NFX1: variants seen among roughly 807,000 people sequenced by gnomAD.
NFX1 encodes the protein nuclear transcription factor, X-box binding 1.
In NFX1, 69 loss-of-function variants were observed where a neutral mutation model predicts 137.2. The ratio of observed to expected loss-of-function variants is 0.50; its 90% confidence interval spans 0.41 to 0.61. The LOEUF (loss-of-function observed/expected upper bound fraction) is 0.61, where lower values mean the gene tolerates loss of function less well. NFX1 is among the 20% of genes least tolerant of loss of function. The pLI is 0.00. For synonymous variants in NFX1, 495 were observed against 474.1 expected (o/e 1.04, Z -0.57); for missense variants, 1,167 against 1,391.0 (o/e 0.84, Z 2.56).
chr9:33,332,389 C>G, intron 10 of NFX1, 83 bp from the exon 11 acceptor site: 1 of 1,321,222 alleles, frequency 7.6e-7, no homozygotes. Context: ...TTGGGATATT[C>G]TTGTTACCTA....
At chr9:33,314,926 G>A (rs1822100105) in intron 7 of NFX1, among the ~76,000 whole-genome samples, 1 of 152,228 alleles carries the variant, frequency 6.6e-6, no homozygotes, top group South Asian at 2.1e-4. Flanking sequence ...TATGCTAGCT[G>A]TACATCAATG....
chr9:33,346,139 G>A (rs662906), intron 14 of NFX1, among the ~76,000 whole-genome samples: 3,850 of 152,224 alleles, frequency 0.025, 169 homozygotes, highest in African/African-American at 0.087. Flanking sequence ...CCCTCCCAGC[G>A]TAGTTTGCAA....
chr9:33,298,284 G>A (rs1369495212), intron 2 of NFX1, among the ~76,000 whole-genome samples: 1 of 152,236 alleles, frequency 6.6e-6, no homozygotes. Context: ...GCTAGCTTGA[G>A]AAAGAGCATT....
chr9:33,364,010 G>A lies in NFX1; in HGVS notation c.2874G>A (p.Lys958=). Residue 958 remains lysine, a splice_region_variant and synonymous_variant, in exon 20 of 24, where the codon AAG becomes AAA. Transcript: ENST00000379540. The stretch of plus-strand genomic sequence containing the variant: ...TTGCATACCTCTCTCTCTCTTTCAG[G>A]AGATTAGCAGAGGCATTTCATATCA... ...DEECSALERK[K]RLAEAFHISE... 1 of 1,569,042 alleles carries A rather than the reference G, an allele frequency of 6.4e-7. No individual in the cohort carries two copies. Among genetic ancestry groups the A allele is most frequent in the Non-Finnish European group, 8.6e-7 (1 of 1,158,302 alleles).
intron 10 of NFX1, 33 bp downstream of exon 10, chr9:33,328,711 T>A: frequency 6.6e-7 from 1 of 1,516,506 alleles, no homozygotes; most frequent in Non-Finnish European, 9.1e-7. Context: ...GTTGTTGCCA[T>A]CAATGTTTTC....
chr9:33,350,328 A>G (rs1823592006), intron 15 of NFX1, among the ~76,000 whole-genome samples: 1 of 151,666 alleles, frequency 6.6e-6, no homozygotes, highest in Admixed American at 6.6e-5. Flanking sequence ...AAAAGGCAAA[A>G]TAAAACGAAA....
chr9:33,290,679 A>C, intron 1 of NFX1, 82 bp downstream of exon 1: 2 of 1,405,646 alleles, frequency 1.4e-6, no homozygotes, highest in Non-Finnish European at 2.0e-6. Context: ...GGCCTCAGCC[A>C]CTCATATCGC....
In NFX1 at chr9:33,294,939, C is replaced by G; in HGVS notation, c.545C>G (p.Pro182Arg). 1 of 1,614,014 alleles carries G rather than the reference C, an allele frequency of 6.2e-7. No homozygotes were observed. The highest frequency in any genetic ancestry group is 8.5e-7 in the Non-Finnish European group (1 of 1,180,010). The change falls in exon 2 of 24, where the codon CCA (proline) becomes CGA (arginine). Residue 182 changes from proline to arginine, a missense_variant. Pro to Arg is a moderately radical substitution (Grantham distance 103, BLOSUM62 -2). Transcript: ENST00000379540. ...TTTGTATACAGCTATGGTAGAGGAC[C>G]AAAAGTCAAGGGGAAACTCAAATGT... ...TQFVYSYGRG[P>R]KVKGKLKCEW...
intron 6 of NFX1, 100 bp downstream of exon 6, chr9:33,311,277 A>C: frequency 1.8e-6 from 2 of 1,086,682 alleles, no homozygotes; most frequent in Non-Finnish European, 2.8e-6. Flanking sequence ...ATACAAATAA[A>C]TGGTAGGCAT....
At chr9:33,352,235 T>A in intron 16 of NFX1, among the ~76,000 whole-genome samples, 1 of 152,100 alleles carries the variant, frequency 6.6e-6, no homozygotes, top group East Asian at 1.9e-4. Context: ...GTTTAAGCCT[T>A]GTGGAGGGGG....
intron 4 of NFX1, among the ~76,000 whole-genome samples, chr9:33,305,653 T>C (rs923458611): frequency 6.6e-6 from 1 of 152,106 alleles, no homozygotes; most frequent in Non-Finnish European, 1.5e-5. Flanking sequence ...CTAAGGAGTG[T>C]GATAGAAAAA....
At chr9:33,335,162 A>G (rs757083957) in intron 11 of NFX1, among the ~76,000 whole-genome samples, 10 of 151,460 alleles carry the variant, frequency 6.6e-5, no homozygotes, top group Non-Finnish European at 1.3e-4. Flanking sequence ...TTCTTTCACA[A>G]TCTAGTTCCA....
chr9:33,321,448 G>C (rs1474248697), intron 9 of NFX1, among the ~76,000 whole-genome samples: 1 of 152,136 alleles, frequency 6.6e-6, no homozygotes. Context: ...TCACTCAGTA[G>C]GAAATTTCCA....
In NFX1 at chr9:33,317,879, G is replaced by A. The variant is rs568482499; in HGVS notation, c.1589-852G>A. Reference sequence around the variant, plus strand: ...TAATCCCAGCTACTTGGGAGGCTGAGGCAAGAGAATTGCATGAACCGGGGA... The same window carrying A: ...TAATCCCAGCTACTTGGGAGGCTGAAGCAAGAGAATTGCATGAACCGGGGA... On this transcript the variant is annotated intron_variant, in intron 7 of 23. Coordinates refer to ENST00000379540, the MANE Select transcript of NFX1 (RefSeq NM_002504.6). 2.0e-5 allele frequency among the ~76,000 whole-genome samples: 3 copies of A among 147,316 alleles called. 1 individual carries two copies. Among genetic ancestry groups the A allele is most frequent in the African/African-American group, 7.6e-5 (3 of 39,354 alleles).
At chr9:33,335,438 G>T (rs1019973001) in intron 11 of NFX1, among the ~76,000 whole-genome samples, 1 of 151,932 alleles carries the variant, frequency 6.6e-6, no homozygotes, top group African/African-American at 2.4e-5. Context: ...TCACCATGTT[G>T]CCCAGGCTGG....
In NFX1 at chr9:33,295,066, A is replaced by C; in HGVS notation, c.672A>C (p.Arg224Ser). 6.2e-7 allele frequency: 1 copy of C among 1,614,124 alleles called. No individual in the cohort carries two copies. The highest frequency in any genetic ancestry group is 8.5e-7 in the Non-Finnish European group (1 of 1,180,022). ...FHPDSSEASS[R>S]KGVLDGYGAR... is the part of the protein sequence containing the mutation. ...CTGACTCTTCAGAGGCATCCTCTAG[A>C]AAAGGAGTATTGGATGGGTATGGAG... The change falls in exon 2 of 24, where the codon AGA becomes AGC. Residue 224 changes from arginine (R) to serine (S), a missense_variant. By Grantham distance (110) the Arg-to-Ser change is moderately radical. Transcript: ENST00000379540.
chr9:33,304,005 G>A (rs747780580), intron 4 of NFX1, among the ~76,000 whole-genome samples: 6 of 152,198 alleles, frequency 3.9e-5, no homozygotes, highest in Non-Finnish European at 5.9e-5. Context: ...AGTGGCTCAC[G>A]CCTGTAATCC....
chr9:33,352,332 G>A lies in NFX1; in HGVS notation c.2656-314G>A, dbSNP rs2118642203. 6.2e-6 allele frequency: 3 copies of A among 486,512 alleles called. No homozygotes were observed. The East Asian group carries it at 1.5e-4, about 25-fold the overall frequency. The allele number at this position is 486,512 out of a possible 1,614,324, so 30.1% of individuals were successfully genotyped here. On this transcript the variant is annotated intron_variant, in intron 16 of 23. Transcript: ENST00000379540. ...AGGATGTGGAGTTGGCTTGGAGTTG[G>A]CTAGGCCACAGTTGGGCCTAGGGCA...
chr9:33,368,262 A>G (rs539853258), intron 23 of NFX1, among the ~76,000 whole-genome samples: 5 of 152,188 alleles, frequency 3.3e-5, no homozygotes, highest in Non-Finnish European at 7.4e-5. Flanking sequence ...GTTACTCTGA[A>G]GATGCAAGTG....
Sources: allele counts gnomAD v4.1 joint callset (sites outside exome capture counted in the v4.1 genomes callset), GRCh38; gene constraint gnomAD v4.1.1; transcripts MANE v1.5; gene names NCBI Gene and HGNC (gene_info 2026-07-23, HGNC 2026-07-21).